Variants in CLASP1 observed in about 807,000 individuals in gnomAD.
CLASP1 encodes the protein cytoplasmic linker associated protein 1.
Under a neutral mutation model 192.3 loss-of-function variants are expected in CLASP1, and 38 were observed. The observed-to-expected ratio is 0.20, with a 90% CI of 0.15 to 0.26. CLASP1 has a LOEUF of 0.26. CLASP1 is among the 10% of genes least tolerant of loss of function. The pLI, the probability that CLASP1 is intolerant of heterozygous loss-of-function variation, is 1.00. For synonymous variants in CLASP1, 691 were observed against 712.8 expected, an observed-to-expected ratio of 0.97 and a Z score of 0.49; for missense variants, 1,433 against 1,932.5, an observed-to-expected ratio of 0.74 and a Z score of 4.85.
chr2:121,375,660 C>A (rs938998664), intron 34 of CLASP1, among the ~76,000 whole-genome samples: 29 of 152,274 alleles, frequency 1.9e-4, no homozygotes, highest in Admixed American at 9.2e-4. Flanking sequence ...CCGCACCTAG[C>A]TGGTAGTTCT....
intron 2 of CLASP1, among the ~76,000 whole-genome samples, chr2:121,578,907 C>T (rs2060840080): frequency 6.6e-6 from 1 of 152,118 alleles, no homozygotes; most frequent in African/African-American, 2.4e-5. Flanking sequence ...TACACTTTCC[C>T]TCTTCCTCCA....
Position 121,605,761 on chromosome 2 carries a change from G to T in CLASP1, c.135C>A (p.Thr45=), listed in dbSNP as rs1022539740. The T allele has an allele frequency of 1.9e-6, 3 of 1,613,936 alleles. No individual in the cohort carries two copies. In the African/African-American group the frequency reaches 4.0e-5, roughly 22 times the overall value. Residue 45 remains threonine (T), a synonymous_variant, in exon 2 of 40, where the codon ACC becomes ACA. Transcript: ENST00000263710. ...GTCCATCCACAAGTTTATCTAACAT[G>T]GTCTGGTCATGCTCAAGGTCAGCAG...
intron 39 of CLASP1, among the ~76,000 whole-genome samples, chr2:121,343,640 A>T (rs905177352): frequency 1.3e-5 from 2 of 152,198 alleles, no homozygotes; most frequent in Admixed American, 1.3e-4. Context: ...AGAAAGTAGA[A>T]AGGTGGATGC....
chr2:121,451,906 A>C, intron 14 of CLASP1, 57 bp from the exon 15 acceptor site: 2 of 1,271,698 alleles, frequency 1.6e-6, no homozygotes, highest in Non-Finnish European at 2.2e-6. Flanking sequence ...GAAAATGAAA[A>C]CGGCATTTTT....
intron 24 of CLASP1, among the ~76,000 whole-genome samples, chr2:121,410,116 G>T (rs2077484738): frequency 6.6e-6 from 1 of 152,150 alleles, no homozygotes; most frequent in South Asian, 2.1e-4. Flanking sequence ...TCTTAAAACA[G>T]CAAGAGCAAG....
intron 9 of CLASP1, 44 bp from the exon 10 acceptor site, chr2:121,462,649 T>A (rs754404813): frequency 9.0e-7 from 1 of 1,114,524 alleles, no homozygotes; most frequent in Non-Finnish European, 1.3e-6. Flanking sequence ...TGAAACAACG[T>A]CTATAACACA....
At chr2:121,541,419 C>T (rs905568103) in intron 2 of CLASP1, among the ~76,000 whole-genome samples, 3 of 152,098 alleles carry the variant, frequency 2.0e-5, no homozygotes, top group Non-Finnish European at 4.4e-5. Context: ...AAAATAAAGA[C>T]CAAAAGACTT....
intron 6 of CLASP1, among the ~76,000 whole-genome samples, chr2:121,523,678 T>C (rs1200181022): frequency 1.3e-5 from 2 of 152,208 alleles, no homozygotes; most frequent in African/African-American, 2.4e-5. Context: ...GGCGGGGAAA[T>C]ACTGAGGTTA....
At chr2:121,490,269 C>T (rs1193336377) in intron 8 of CLASP1, 1 of 454,196 alleles carries the variant, frequency 2.2e-6, no homozygotes, top group Non-Finnish European at 4.4e-6. Flanking sequence ...TTAGAATAGC[C>T]TACCTTTCCC....
Position 121,382,180 on chromosome 2 carries a change from C to A in CLASP1, c.3491+28G>T, listed in dbSNP as rs765996159. ...GAAATGCAATAATATTGTGACACCT[C>A]AGACAAGTTTGACAGGTAGCTTGTT... is the stretch of plus-strand genomic sequence containing the variant. On this transcript the variant is annotated intron_variant, in intron 33 of 39. Coordinates refer to ENST00000263710, the Ensembl canonical transcript of CLASP1. The A allele has an allele frequency of 5.2e-6, 8 of 1,542,206 alleles. No individual in the cohort carries two copies. In the South Asian group the frequency reaches 9.4e-5, roughly 18 times the overall value.
intron 8 of CLASP1, 116 bp downstream of exon 8, chr2:121,503,049 TAA>T: frequency 1.5e-6 from 1 of 651,616 alleles, no homozygotes; most frequent in Non-Finnish European, 2.7e-6. Context: ...GAATGGAGGT[TAA>T]GTTTTAAGAC....
At chr2:121,536,700 T>C (rs77298787) in intron 2 of CLASP1, among the ~76,000 whole-genome samples, 2,070 of 152,312 alleles carry the variant, frequency 0.014, 42 homozygotes, top group African/African-American at 0.046. Context: ...AAGACAAATA[T>C]TGTCTGGTTC....
At chr2:121,627,870 T>C (rs753419144) in intron 1 of CLASP1, among the ~76,000 whole-genome samples, 6 of 152,210 alleles carry the variant, frequency 3.9e-5, no homozygotes, top group Non-Finnish European at 8.8e-5. Context: ...CGAAAAATAA[T>C]GTGGAACATC....
chr2:121,582,989 T>C (rs891608334), intron 2 of CLASP1, among the ~76,000 whole-genome samples: 1 of 152,038 alleles, frequency 6.6e-6, no homozygotes, highest in Non-Finnish European at 1.5e-5. Context: ...TTTCACCATG[T>C]TGGCAAGGCT....
chr2:121,470,783 T>C (rs2090575920), intron 8 of CLASP1: 14 of 328,884 alleles, frequency 4.3e-5, no homozygotes, highest in South Asian at 3.1e-4. Flanking sequence ...AATGTACATT[T>C]CTCCTAGAAG....
At chr2:121,379,256 AT>A (rs1291883364) in intron 33 of CLASP1, among the ~76,000 whole-genome samples, 1 of 152,146 alleles carries the variant, frequency 6.6e-6, no homozygotes, top group East Asian at 1.9e-4. Flanking sequence ...TGACTTGAGC[AT>A]CAAACAAAAA....
At chr2:121,383,408 G>T (rs1274738162) in intron 32 of CLASP1, among the ~76,000 whole-genome samples, 1 of 152,206 alleles carries the variant, frequency 6.6e-6, no homozygotes, top group Non-Finnish European at 1.5e-5. Flanking sequence ...TGGGTCAGAT[G>T]CACACACTGG....
At chr2:121,632,965 G>GGTGTGT (rs71398037) in intron 1 of CLASP1, among the ~76,000 whole-genome samples, 1 of 137,840 alleles carries the variant, frequency 7.3e-6, no homozygotes, top group African/African-American at 2.9e-5. Flanking sequence ...AACAGAGGGA[G>GGTGTGT]GTGTGTGTGT....
At chr2:121,434,200 C>T (rs7562207) in intron 19 of CLASP1, among the ~76,000 whole-genome samples, 30,499 of 152,060 alleles carry the variant, frequency 0.2, 4,106 homozygotes, top group African/African-American at 0.38. Context: ...ACTTGTACAA[C>T]TTGTTTTTGA....
Sources: gnomAD v4.1 joint callset for allele counts (sites outside exome capture counted in the v4.1 genomes callset) on GRCh38, gnomAD v4.1.1 for gene constraint, MANE v1.5 for transcripts, NCBI Gene and HGNC (gene_info 2026-07-23, HGNC 2026-07-21) for gene names.